Variants in MTMR8 observed in about 807,000 individuals in gnomAD.
MTMR8 encodes myotubularin related protein 8.
MTMR8 carries 65 observed loss-of-function variants against 39.3 expected under a neutral mutation model. The ratio of observed to expected loss-of-function variants is 1.65; its 90% CI spans 1.35 to 2.03. The LOEUF (loss-of-function observed/expected upper bound fraction) is 2.03. Ranked by LOEUF, MTMR8 falls within the 30% of genes most tolerant of loss-of-function variation. The pLI is 0.00. For missense variants in MTMR8, 777 were observed against 538.9 expected, an observed-to-expected ratio of 1.44 and a Z score of -4.37; for synonymous variants, 245 against 185.2, an observed-to-expected ratio of 1.32 and a Z score of -2.62.
At chrX:64,303,632 T>A (rs901177716) in intron 12 of MTMR8, among the ~76,000 whole-genome samples, 1 of 112,420 alleles carries the variant, frequency 8.9e-6, no homozygotes, top group African/African-American at 3.2e-5. Context: ...ATAAATTACA[T>A]CACATTTACT....
In MTMR8 at chrX:64,297,735, C is replaced by A. The variant is rs772936539; in HGVS notation, c.1482-26662G>T. ...TTTAGGTCTAACGTTTAAATCTTTA[C>A]TCCATCTTGAATTGATTTTTGTATA... On this transcript the variant is annotated intron_variant, in intron 12 of 13. Coordinates refer to ENST00000374852, the MANE Select transcript of MTMR8 (RefSeq NM_017677.4). Among the ~76,000 whole-genome samples the A allele has an allele frequency of 5.0e-3, 545 of 109,060 alleles. 7 individuals are homozygous for A. Among genetic ancestry groups the A allele is most frequent in the African/African-American group, 0.017 (516 of 29,786 alleles). 94.7% of individuals were successfully genotyped at this position (109,060 alleles called of 115,157 possible).
chrX:64,308,080 A>C (rs1165670376), intron 12 of MTMR8, among the ~76,000 whole-genome samples: 4 of 111,573 alleles, frequency 3.6e-5, no homozygotes, highest in African/African-American at 1.3e-4. Flanking sequence ...GCAGCACACC[A>C]ACATGGCACA....
intron 1 of MTMR8, among the ~76,000 whole-genome samples, chrX:64,384,279 C>T (rs1039725920): frequency 1.8e-5 from 2 of 111,797 alleles, no homozygotes; most frequent in African/African-American, 3.3e-5. Context: ...CAGCTGCTCT[C>T]ACAGGTTGTA....
intron 12 of MTMR8, among the ~76,000 whole-genome samples, chrX:64,272,855 A>C (rs989160204): frequency 8.9e-6 from 1 of 112,219 alleles, no homozygotes; most frequent in African/African-American, 3.2e-5. Context: ...CTTTCAGGAC[A>C]GAAGAGAGTA....
chrX:64,351,659 G>C (rs1923490421), intron 4 of MTMR8, among the ~76,000 whole-genome samples: 1 of 111,643 alleles, frequency 9.0e-6, no homozygotes, highest in Non-Finnish European at 1.9e-5. Context: ...GAAGCCAACA[G>C]AGCAGCCTTC....
intron 12 of MTMR8, among the ~76,000 whole-genome samples, chrX:64,273,851 C>T (rs933899596): frequency 5.4e-5 from 6 of 111,101 alleles, no homozygotes; most frequent in Non-Finnish European, 7.6e-5. Context: ...AAAAATGTCA[C>T]GGAGACAATG....
At chrX:64,367,327 T>A (rs1602150545) in intron 1 of MTMR8, among the ~76,000 whole-genome samples, 1 of 111,891 alleles carries the variant, frequency 8.9e-6, no homozygotes, top group East Asian at 2.8e-4. Context: ...TTTAGACCAA[T>A]ATCCCTGATG....
chrX:64,359,565 C>G (rs757200070), intron 1 of MTMR8, 38 bp from the exon 2 acceptor site: 8 of 1,163,683 alleles, frequency 6.9e-6, no homozygotes, highest in Non-Finnish European at 6.9e-6. Context: ...AAGTTACCAA[C>G]TCACCACCTA....
chrX:64,339,653 T>C (rs28492681), intron 8 of MTMR8, among the ~76,000 whole-genome samples: 26,215 of 109,708 alleles, frequency 0.24, 7,561 homozygotes, highest in African/African-American at 0.82. Context: ...AGAAGCCAGT[T>C]GAAAAGAATA....
chrX:64,364,663 G>C (rs1171453735), intron 1 of MTMR8, among the ~76,000 whole-genome samples: 1 of 111,782 alleles, frequency 8.9e-6, no homozygotes, highest in African/African-American at 3.3e-5. Context: ...GGAGAAACCA[G>C]AGCAGAAAAG....
At chrX:64,286,076 C>T (rs752157132) in intron 12 of MTMR8, among the ~76,000 whole-genome samples, 95 of 110,842 alleles carry the variant, frequency 8.6e-4, no homozygotes, top group Non-Finnish European at 1.6e-3. Flanking sequence ...GATAGACTGC[C>T]AGCAAGACTA....
intron 1 of MTMR8, among the ~76,000 whole-genome samples, chrX:64,373,646 G>A (rs908690811): frequency 8.1e-5 from 9 of 111,133 alleles, no homozygotes; most frequent in East Asian, 5.7e-4. Flanking sequence ...CTTATTAACC[G>A]TGTGTGGTTG....
chrX:64,323,146 A>G (rs1042608652), intron 12 of MTMR8, among the ~76,000 whole-genome samples: 2 of 112,263 alleles, frequency 1.8e-5, no homozygotes, highest in Non-Finnish European at 3.8e-5. Flanking sequence ...TGCTGCCTAC[A>G]TACTTACCAA....
At chrX:64,315,227 C>T (rs1228539900) in intron 12 of MTMR8, among the ~76,000 whole-genome samples, 1 of 112,015 alleles carries the variant, frequency 8.9e-6, no homozygotes, top group East Asian at 2.8e-4. Flanking sequence ...ATTCCAGAGG[C>T]CCATGGCAAG....
chrX:64,293,575 C>A (rs1373572797), intron 12 of MTMR8, among the ~76,000 whole-genome samples: 1 of 111,465 alleles, frequency 9.0e-6, no homozygotes, highest in Non-Finnish European at 1.9e-5. Flanking sequence ...CTGATCTCCT[C>A]CAGTGGCAGG....
At chrX:64,298,069 T>TA (rs2147197314) in intron 12 of MTMR8, among the ~76,000 whole-genome samples, 1 of 77,687 alleles carries the variant, frequency 1.3e-5, no homozygotes, top group African/African-American at 4.9e-5. Context: ...ATGCGGGCTC[T>TA]TTTTTGGTTC....
At chrX:64,344,398 G>A (rs1427208252) in intron 7 of MTMR8, among the ~76,000 whole-genome samples, 1 of 111,154 alleles carries the variant, frequency 9.0e-6, no homozygotes, top group Admixed American at 9.6e-5. Flanking sequence ...AGAAAGAAGA[G>A]GAAGAATGGG....
chrX:64,272,244 G>A (rs1295746117), intron 12 of MTMR8, among the ~76,000 whole-genome samples: 2 of 111,573 alleles, frequency 1.8e-5, no homozygotes, highest in South Asian at 3.8e-4. Context: ...TGAATTACCC[G>A]ACATAGAATT....
At chrX:64,359,807 T>C (rs1923729543) in intron 1 of MTMR8, among the ~76,000 whole-genome samples, 2 of 108,801 alleles carry the variant, frequency 1.8e-5, no homozygotes, top group African/African-American at 3.3e-5. Context: ...ATATAGAACC[T>C]GAGAGCCTGC....
Sources: allele counts gnomAD v4.1 joint callset (sites outside exome capture counted in the v4.1 genomes callset), GRCh38; gene constraint gnomAD v4.1.1; transcripts MANE v1.5; gene names NCBI Gene and HGNC (gene_info 2026-07-23, HGNC 2026-07-21).